Variants in NFKBIZ observed in about 807,000 individuals in gnomAD.
NFKBIZ encodes NF-kappa-B inhibitor zeta.
In NFKBIZ, 19 loss-of-function variants were observed where a neutral mutation model predicts 76.8. The observed-to-expected ratio is 0.25, with a 90% CI of 0.17 to 0.36. The LOEUF (loss-of-function observed/expected upper bound fraction) is 0.36, where lower values mean the gene tolerates loss of function less well. NFKBIZ is among the 10% of genes least tolerant of loss of function. NFKBIZ has a pLI of 1.00. For missense variants in NFKBIZ, 829 were observed against 910.9 expected (o/e 0.91, Z 1.16); for synonymous variants, 368 against 354.8 (o/e 1.04, Z -0.42).
chr3:101,837,249 G>A (rs1942731822), intron 2 of NFKBIZ, among the ~76,000 whole-genome samples: 1 of 152,102 alleles, frequency 6.6e-6, no homozygotes, highest in Non-Finnish European at 1.5e-5. Context: ...TTTTATACAG[G>A]TGAAGACTCA....
At chr3:101,837,180 C>A (rs915499587) in intron 2 of NFKBIZ, among the ~76,000 whole-genome samples, 7 of 152,066 alleles carry the variant, frequency 4.6e-5, no homozygotes, top group Middle Eastern at 6.8e-3. Flanking sequence ...TAAACCAAGT[C>A]CACTCTCTTT....
chr3:101,830,677 A>G (rs565641255), intron 2 of NFKBIZ, among the ~76,000 whole-genome samples: 1 of 152,322 alleles, frequency 6.6e-6, no homozygotes, highest in East Asian at 1.9e-4. Context: ...ATGGCTGTGT[A>G]GATTTCCACA....
intron 1 of NFKBIZ, among the ~76,000 whole-genome samples, chr3:101,828,453 G>A (rs1942589325): frequency 6.6e-6 from 1 of 152,118 alleles, no homozygotes; most frequent in African/African-American, 2.4e-5. Context: ...GGAGGAGATC[G>A]ATAGAATGGG....
chr3:101,846,825 G>C (rs983338547), upstream of NFKBIZ, among the ~76,000 whole-genome samples: 4 of 152,180 alleles, frequency 2.6e-5, no homozygotes, highest in Non-Finnish European at 4.4e-5. Context: ...ATGAAGGATT[G>C]GCTCACACAA....
intron 2 of NFKBIZ, among the ~76,000 whole-genome samples, chr3:101,841,831 G>A (rs1260725217): frequency 6.6e-6 from 1 of 152,204 alleles, no homozygotes; most frequent in East Asian, 1.9e-4. Flanking sequence ...AATAATCCAA[G>A]TGCAGAGAAT....
At chr3:101,849,293 G>C (rs1195967029), upstream of NFKBIZ, 2 of 212,874 alleles carry the variant, frequency 9.4e-6, no homozygotes, top group Non-Finnish European at 1.9e-5. Context: ...CCGGTGAAGG[G>C]CAGGCAAACA....
intron 9 of NFKBIZ, chr3:101,856,149 C>G (rs1189216818): frequency 4.2e-6 from 1 of 237,184 alleles, no homozygotes; most frequent in Non-Finnish European, 8.3e-6. Context: ...CTCCCTGGTT[C>G]AAGCGATTCT....
chr3:101,859,251 CAG>C, intron 11 of NFKBIZ, 65 bp from the exon 12 acceptor site: 2 of 1,273,892 alleles, frequency 1.6e-6, no homozygotes, highest in Non-Finnish European at 2.3e-6. Context: ...GAATGAAACT[CAG>C]AAGGAAATAC....
intron 2 of NFKBIZ, among the ~76,000 whole-genome samples, chr3:101,834,667 C>T (rs554342367): frequency 1.3e-5 from 2 of 152,338 alleles, no homozygotes; most frequent in African/African-American, 2.4e-5. Flanking sequence ...GGCCCCTCCC[C>T]TGTCTTTCTG....
chr3:101,856,068 T>C, intron 9 of NFKBIZ, 166 bp downstream of exon 9: 1 of 506,574 alleles, frequency 2.0e-6, no homozygotes, highest in Non-Finnish European at 3.3e-6. Context: ...TTTTTTTTTT[T>C]GAGACAGAGT....
At chr3:101,851,449 GC>G (rs1486085528) in intron 1 of NFKBIZ, among the ~76,000 whole-genome samples, 1 of 152,206 alleles carries the variant, frequency 6.6e-6, no homozygotes, top group Non-Finnish European at 1.5e-5. Flanking sequence ...GTGAATTTAA[GC>G]AGCTTTTTTG....
Position 101,852,106 on chromosome 3 carries a change from G to A in NFKBIZ, c.311G>A (p.Gly104Asp). 1 of 1,614,176 alleles carries A rather than the reference G, an allele frequency of 6.2e-7. No individual in the cohort carries two copies. Among genetic ancestry groups the A allele is most frequent in the Non-Finnish European group, 8.5e-7 (1 of 1,180,022 alleles). ...ACAGTTGAGCCCCATATGGGGGTTGGCAGGCAGCAGAGAGGCCCCTTTCAA... is the reference window on the plus strand; with the variant it reads ...ACAGTTGAGCCCCATATGGGGGTTGACAGGCAGCAGAGAGGCCCCTTTCAA... ...RQPVEPHMGV[G>D]RQQRGPFQGV... Residue 104 changes from glycine (G) to aspartate (D), a missense_variant, in exon 2 of 12, where the codon GGC (glycine) becomes GAC (aspartate). Coordinates refer to ENST00000326172, the MANE Select transcript of NFKBIZ (RefSeq NM_031419.4).
upstream of NFKBIZ, chr3:101,849,276 G>C (rs1053930468): frequency 5.3e-6 from 1 of 188,680 alleles, no homozygotes; most frequent in African/African-American, 2.3e-5. Flanking sequence ...CGCGCTGTCG[G>C]GGTTTCCCGG....
chr3:101,836,211 T>C lies in NFKBIZ; in HGVS notation c.-12+6523T>C, dbSNP rs115758119. ...TCAGAGAAAAGGTCAGAGCTAGTAA[T>C]AGGAATCAACTCTAGACAGGTCAGA... On this transcript the variant is annotated intron_variant, in intron 2 of 12. Coordinates refer to the NFKBIZ transcript ENST00000394054. Among the ~76,000 whole-genome samples the C allele has an allele frequency of 6.5e-3, 994 of 152,284 alleles. 7 individuals carry two copies. Among genetic ancestry groups the C allele is most frequent in the African/African-American group, 0.022 (932 of 41,544 alleles).
intron 2 of NFKBIZ, among the ~76,000 whole-genome samples, chr3:101,843,695 A>G (rs1287300412): frequency 6.6e-6 from 1 of 152,206 alleles, no homozygotes; most frequent in Non-Finnish European, 1.5e-5. Context: ...ACATCTTCTG[A>G]TACATTAAAA....
At chr3:101,854,765 C>CA in intron 6 of NFKBIZ, 82 bp downstream of exon 6, 1 of 899,650 alleles carries the variant, frequency 1.1e-6, no homozygotes, top group Non-Finnish European at 1.7e-6. Flanking sequence ...TGTAGATCAT[C>CA]TTAGAGCTCA....
intron 11 of NFKBIZ, among the ~76,000 whole-genome samples, chr3:101,859,056 A>G (rs1023917763): frequency 6.6e-6 from 1 of 152,228 alleles, no homozygotes; most frequent in Non-Finnish European, 1.5e-5. Flanking sequence ...GAGATTTTCA[A>G]CTTCAGATAA....
At chr3:101,857,270 T>C (rs1274743141) in intron 10 of NFKBIZ, 22 bp from the exon 11 acceptor site, 1 of 1,613,798 alleles carries the variant, frequency 6.2e-7, no homozygotes, top group Non-Finnish European at 8.5e-7. Flanking sequence ...TGATGTCTGA[T>C]AATTCATTTC....
chr3:101,857,038 T>TC (rs760612388), intron 9 of NFKBIZ, 35 bp from the exon 10 acceptor site: 13 of 1,269,714 alleles, frequency 1.0e-5, no homozygotes, highest in Non-Finnish European at 1.4e-5. Context: ...TCTGGATTTT[T>TC]TTTTTTTTTT....
Sources: gnomAD v4.1 joint callset for allele counts (sites outside exome capture counted in the v4.1 genomes callset) on GRCh38, gnomAD v4.1.1 for gene constraint, MANE v1.5 for transcripts, NCBI Gene and HGNC (gene_info 2026-07-23, HGNC 2026-07-21) for gene names.